CROCC: variants seen among roughly 807,000 people sequenced by gnomAD.
The protein encoded by CROCC is rootletin.
Under a neutral mutation model 245.2 loss-of-function variants are expected in CROCC, and 180 were observed. The observed-to-expected ratio is 0.73, with a 90% CI of 0.65 to 0.83. CROCC has a LOEUF of 0.83. Among genes scored for constraint, CROCC ranks in the 40% least tolerant of loss-of-function variants. CROCC has a pLI of 0.00. For missense variants in CROCC, 2,688 were observed against 2,779.4 expected, an observed-to-expected ratio of 0.97 and a Z score of 0.74; for synonymous variants, 1,205 against 1,241.6, an observed-to-expected ratio of 0.97 and a Z score of 0.62.
At chr1:16,918,740 T>TG (rs774255320), upstream of CROCC, among the ~76,000 whole-genome samples, 15 of 147,484 alleles carry the variant, frequency 1.0e-4, no homozygotes, top group African/African-American at 3.5e-4. Context: ...AGTTTTTTGT[T>TG]TTTGTTTTTT....
chr1:16,918,596 G>A (rs1459313197), upstream of CROCC, among the ~76,000 whole-genome samples: 1 of 152,218 alleles, frequency 6.6e-6, no homozygotes, highest in African/African-American at 2.4e-5. Context: ...CTGGTCCAGG[G>A]GTATTTTTGG....
Position 16,970,645 on chromosome 1 carries a change from G to A in CROCC, c.5662G>A (p.Glu1888Lys). ...LRRTLDKVER[E>K]KLRSHEDTVR... is the part of the protein sequence containing the mutation. ...TGGCTCTCCTGCCTAGGTGGAGCGG[G>A]AGAAGCTTCGTAGCCATGAGGACAC... The change falls in exon 35 of 37, where the codon GAG (glutamate) becomes AAG (lysine). Residue 1888 changes from glutamate (E) to lysine (K), a missense_variant. By Grantham distance (56) the Glu-to-Lys change is moderately conservative. Coordinates refer to ENST00000375541, the MANE Select transcript of CROCC (RefSeq NM_014675.5). 1 of 1,553,738 alleles carries A rather than the reference G, an allele frequency of 6.4e-7. No individual in the cohort carries two copies. Among genetic ancestry groups the A allele is most frequent in the Non-Finnish European group, 8.7e-7 (1 of 1,148,722 alleles).
At chr1:16,933,146 G>T (rs1354287819) in intron 8 of CROCC, among the ~76,000 whole-genome samples, 2 of 152,276 alleles carry the variant, frequency 1.3e-5, no homozygotes, top group African/African-American at 4.8e-5. Flanking sequence ...AATAGCCAGT[G>T]TCTAAATTTT....
chr1:16,951,288 A>G, intron 20 of CROCC, 166 bp downstream of exon 20: 1 of 555,586 alleles, frequency 1.8e-6, no homozygotes, highest in Non-Finnish European at 2.9e-6. Context: ...GGTTCTTATT[A>G]GACATGCAGA....
intron 27 of CROCC, 58 bp from the exon 28 acceptor site, chr1:16,965,665 A>G: frequency 1.7e-6 from 2 of 1,207,898 alleles, no homozygotes; most frequent in African/African-American, 1.5e-5. Flanking sequence ...ACAGTGAGTG[A>G]GATGTGTGGG....
rs36118977 is a variant in CROCC at position 16,972,511 on chromosome 1, G to GC, written c.*72dup. On this transcript the variant is annotated 3_prime_UTR_variant, in exon 37 of 37. Transcript: ENST00000375541. ...CAGGGGAGGACCCTTCTTTTGGACAGCCCCCCCACCCAGAGCCCGGTCCCT... is the reference window on the plus strand; with the variant it reads ...CAGGGGAGGACCCTTCTTTTGGACAGCCCCCCCCACCCAGAGCCCGGTCCCT... 81,012 of 744,074 alleles carry GC rather than the reference G, an allele frequency of 0.11. 307 individuals carry two copies. The highest frequency in any genetic ancestry group is 0.13 in the Middle Eastern group (312 of 2,362). 46.1% of individuals were successfully genotyped at this position (744,074 alleles called of 1,614,324 possible).
Position 16,946,373 on chromosome 1 carries a change from G to A in CROCC, c.2251G>A (p.Asp751Asn). The A allele has an allele frequency of 6.2e-7, 1 of 1,612,866 alleles. No individual in the cohort carries two copies. Among genetic ancestry groups the A allele is most frequent in the Non-Finnish European group, 8.5e-7 (1 of 1,179,958 alleles). ...LSALNESLAQ[D>N]KLDLNRLVAQ... ...CGCCCTCAACGAGAGCCTTGCTCAG[G>A]ACAAGTTGGATCTGAACCGCCTTGT... is the stretch of plus-strand genomic sequence containing the variant. The change falls in exon 16 of 37, where the codon GAC becomes AAC. Residue 751 changes from aspartate to asparagine, a missense_variant. By Grantham distance (23) the Asp-to-Asn change is conservative (BLOSUM62 1). This residue lies in a region of CROCC where 295 missense variants were observed against 241.7 expected (regional missense o/e 1.22). Coordinates refer to ENST00000375541, the MANE Select transcript of CROCC (RefSeq NM_014675.5).
chr1:16,944,199 G>A lies in CROCC; in HGVS notation c.1908G>A (p.Leu636=), dbSNP rs1315811701. The A allele has an allele frequency of 2.2e-5, 34 of 1,555,236 alleles. No homozygotes were observed. Among genetic ancestry groups the A allele is most frequent in the Non-Finnish European group, 2.5e-5 (29 of 1,149,390 alleles). The change falls in exon 14 of 37, where the codon CTG becomes CTA. Residue 636 remains leucine (L), a synonymous_variant. Coordinates refer to ENST00000375541, the MANE Select transcript of CROCC (RefSeq NM_014675.5). ...AGCTGCAGGCTGCCCAGGAGGAGCTGCGGCGCCAGCGGGACCGGCTGGAGG... is the reference window on the plus strand; with the variant it reads ...AGCTGCAGGCTGCCCAGGAGGAGCTACGGCGCCAGCGGGACCGGCTGGAGG... The part of the protein sequence containing the change: ...REKLQAAQEE[L]RRQRDRLEEE...
intron 8 of CROCC, among the ~76,000 whole-genome samples, chr1:16,936,252 AG>A (rs1174783292): frequency 6.6e-6 from 1 of 152,294 alleles, no homozygotes; most frequent in African/African-American, 2.4e-5. Flanking sequence ...CACCCAGCCT[AG>A]TATAGTTTTA....
At position 16,953,511 on chromosome 1, in the gene CROCC, C is replaced by A. The variant is rs192112786; in HGVS notation, c.3186+30C>A. ...GTGAGCCCTGGCATGGCCTCTGCTG[C>A]TCTCTGAGCTGCTCCAGTTCTGGGG... On this transcript the variant is annotated intron_variant, in intron 21 of 36. Coordinates refer to ENST00000375541, the MANE Select transcript of CROCC (RefSeq NM_014675.5). 1.7e-4 allele frequency: 263 copies of A among 1,564,604 alleles called. No homozygotes were observed. The African/African-American group carries it at 3.3e-3, about 20-fold the overall frequency.
Position 16,916,427 on chromosome 1 carries a change from G to A in CROCC, n.126-13859G>A, listed in dbSNP as rs144463082. Among the ~76,000 whole-genome samples the A allele has an allele frequency of 8.3e-4, 127 of 152,326 alleles. No homozygotes were observed. The East Asian group carries it at 0.023, about 27-fold the overall frequency. ...GGGAGCCATCTCAGCAGTCCAGGCA[G>A]TGGCTTATATAATACACATCGGCGT... On this transcript the variant is annotated intron_variant and non_coding_transcript_variant, in intron 1 of 8. Coordinates refer to the CROCC transcript ENST00000466256.
intron 32 of CROCC, 128 bp from the exon 33 acceptor site, chr1:16,969,657 G>T (rs746493035): frequency 4.4e-6 from 6 of 1,362,550 alleles, no homozygotes; most frequent in Non-Finnish European, 6.0e-6. Context: ...TGGGTTTGGT[G>T]TGCACCCCAC....
chr1:16,920,742 C>CTTTTT (rs33965029), upstream of CROCC, among the ~76,000 whole-genome samples: 6 of 135,426 alleles, frequency 4.4e-5, no homozygotes, highest in East Asian at 8.6e-4. Context: ...GGGACTGTGC[C>CTTTTT]TTTTTTTTTT....
In CROCC at chr1:16,926,300, C is replaced by T. The variant is rs1345854501; in HGVS notation, c.351+1821C>T. On this transcript the variant is annotated intron_variant, in intron 3 of 36. Transcript: ENST00000375541. Reference sequence around the variant, plus strand: ...CTTCAGAGCCTAGAGATCACCTCATCACAGATAGGGAAAGTAAGTCCGGGA... The same window carrying T: ...CTTCAGAGCCTAGAGATCACCTCATTACAGATAGGGAAAGTAAGTCCGGGA... 2.6e-5 allele frequency among the ~76,000 whole-genome samples: 4 copies of T among 152,274 alleles called. No homozygotes were observed. In the East Asian group the frequency reaches 7.7e-4, roughly 29 times the overall value.
intron 8 of CROCC, among the ~76,000 whole-genome samples, chr1:16,933,178 CAGAT>C (rs1221529869): frequency 6.6e-6 from 1 of 152,270 alleles, no homozygotes; most frequent in Non-Finnish European, 1.5e-5. Flanking sequence ...ATAAATGTCA[CAGAT>C]AGACCAGGTG....
rs2076324984 is a variant in CROCC, at chr1:16,961,106, C to T, written c.4381C>T (p.Pro1461Ser). 1 of 1,360,560 alleles carries T rather than the reference C, an allele frequency of 7.3e-7. No individual in the cohort carries two copies. 84.3% of individuals were successfully genotyped at this position (1,360,560 alleles called of 1,614,324 possible). A position where few individuals can be genotyped will look rare whatever the true frequency, so the allele number is the denominator to read the frequency against. The change falls in exon 27 of 37, where the codon CCT (proline) becomes TCT (serine). Residue 1461 changes from proline to serine, a missense_variant. Pro to Ser is a moderately conservative substitution (Grantham distance 74). This residue lies in a region of CROCC where 1,218 missense variants were observed against 1,286.3 expected (regional missense o/e 0.95). Transcript: ENST00000375541. ...SPAPRPVPGSPARDAPAEGSG... is the reference protein window; with the variant it reads ...SPAPRPVPGSSARDAPAEGSG... ...AGCCCCGCGGCCAGTGCCCGGTTCC[C>T]CTGCCCGGGACGCACCCGCAGAAGG...
At chr1:16,955,900 G>A in intron 24 of CROCC, 97 bp from the exon 25 acceptor site, 1 of 1,450,586 alleles carries the variant, frequency 6.9e-7, no homozygotes, top group Non-Finnish European at 9.4e-7. Flanking sequence ...GGCAGGCAGT[G>A]CCTGATCCAC....
chr1:16,955,551 G>T lies in CROCC; in HGVS notation c.3704+1G>T. 2 of 1,525,592 alleles carry T rather than the reference G, an allele frequency of 1.3e-6. No homozygotes were observed. Among genetic ancestry groups the T allele is most frequent in the African/African-American group, 1.4e-5 (1 of 73,158 alleles). 94.5% of individuals were successfully genotyped at this position (1,525,592 alleles called of 1,614,324 possible). On this transcript the variant is annotated splice_donor_variant, in intron 24 of 36. Coordinates refer to ENST00000375541, the MANE Select transcript of CROCC (RefSeq NM_014675.5). LOFTEE classifies it high-confidence loss of function. ...AGAAGGCAGAGAGCGAGCGCATCAGGTGGGGTGTCGCAGGAGGACCAGTCC... is the reference window on the plus strand; with the variant it reads ...AGAAGGCAGAGAGCGAGCGCATCAGTTGGGGTGTCGCAGGAGGACCAGTCC...
Position 16,970,351 on chromosome 1 carries a change from G to A in CROCC, c.5550G>A (p.Leu1850=). The change falls in exon 34 of 37, where the codon CTG becomes CTA. Residue 1850 remains leucine (L), a synonymous_variant. Transcript: ENST00000375541. The part of the protein sequence containing the change: ...RRLLQERLGS[L]QRALAQLEAE... ...TGCTGCAGGAGCGCCTGGGAAGCCT[G>A]CAGCGCGCCCTGGCTCAGCTGGAAG... is the stretch of plus-strand genomic sequence containing the variant. 1 of 1,594,090 alleles carries A rather than the reference G, an allele frequency of 6.3e-7. No individual in the cohort carries two copies.
Sources: allele counts gnomAD v4.1 joint callset (sites outside exome capture counted in the v4.1 genomes callset), GRCh38; gene constraint gnomAD v4.1.1; regional missense constraint gnomAD v4.1.1; transcripts MANE v1.5; gene names NCBI Gene and HGNC (gene_info 2026-07-23, HGNC 2026-07-21).